The following GAB1 variants were observed in gnomAD, a reference collection of about 807,000 sequenced individuals.
The protein encoded by GAB1 is GRB2-associated-binding protein 1.
Under a neutral mutation model 66.5 loss-of-function variants are expected in GAB1, and 19 were observed. That is an observed-to-expected ratio of 0.29 (90% CI 0.20 to 0.42). GAB1 has a LOEUF of 0.42. Among genes scored for constraint, GAB1 ranks in the 10% least tolerant of loss-of-function variants. The pLI is 1.00. For missense variants in GAB1, 732 were observed against 858.5 expected, an observed-to-expected ratio of 0.85 and a Z score of 1.84; for synonymous variants, 294 against 301.4, an observed-to-expected ratio of 0.98 and a Z score of 0.25.
chr4:143,437,639 A>G (rs980059248), intron 3 of GAB1, among the ~76,000 whole-genome samples: 2 of 152,202 alleles, frequency 1.3e-5, no homozygotes, highest in Non-Finnish European at 2.9e-5. Context: ...TCTTCAGAGG[A>G]AATGCTTTTC....
intron 2 of GAB1, among the ~76,000 whole-genome samples, chr4:143,416,664 C>T (rs1020215864): frequency 1.3e-5 from 2 of 151,968 alleles, no homozygotes; most frequent in African/African-American, 4.8e-5. Flanking sequence ...GTTCCAGCTA[C>T]CCAGGAGGCT....
At position 143,429,638 on chromosome 4, in the gene GAB1, T is replaced by C. The variant is rs148222189; in HGVS notation, c.368-3853T>C. Reference sequence around the variant, plus strand: ...CTGTACGGGGACTGTGTAGATGAGCTATGAGGCCAATTTTCCCAAGGGGCT... The same window carrying C: ...CTGTACGGGGACTGTGTAGATGAGCCATGAGGCCAATTTTCCCAAGGGGCT... On this transcript the variant is annotated intron_variant, in intron 2 of 9. Transcript: ENST00000262994. Among the ~76,000 whole-genome samples, 212 of 151,022 alleles carry C rather than the reference T, an allele frequency of 1.4e-3. 1 individual carries two copies. The highest frequency in any genetic ancestry group is 1.2e-3 in the Non-Finnish European group (78 of 67,580).
chr4:143,380,311 T>C (rs1730604951), intron 1 of GAB1, among the ~76,000 whole-genome samples: 1 of 152,140 alleles, frequency 6.6e-6, no homozygotes, highest in South Asian at 2.1e-4. Context: ...TTAGCCAAGC[T>C]ATAAAATCAA....
At chr4:143,388,108 A>G (rs911080750) in intron 1 of GAB1, among the ~76,000 whole-genome samples, 8 of 152,128 alleles carry the variant, frequency 5.3e-5, no homozygotes, top group Non-Finnish European at 1.0e-4. Context: ...ACCTAAGGAT[A>G]AGCGCTCCCT....
In GAB1 at chr4:143,438,539, A is replaced by G. The variant is rs1356593450; in HGVS notation, c.1134A>G (p.Ala378=). Residue 378 remains alanine, a synonymous_variant, in exon 4 of 10, where the codon GCA becomes GCG. Transcript: ENST00000262994. ...ACAGTAGTTACTGTATCCCTACAGC[A>G]GGGATGTCGCCTTCACGTAGTAATA... ...DTDSSYCIPT[A]GMSPSRSNTI... 2 of 1,613,960 alleles carry G rather than the reference A, an allele frequency of 1.2e-6. No individual in the cohort carries two copies. Among genetic ancestry groups the G allele is most frequent in the Admixed American group, 3.3e-5 (2 of 59,980 alleles).
chr4:143,459,034 T>C (rs28925942), intron 6 of GAB1, among the ~76,000 whole-genome samples: 5 of 152,216 alleles, frequency 3.3e-5, no homozygotes, highest in South Asian at 4.1e-4. Flanking sequence ...GGTGAAATAA[T>C]TTATGAAATA....
chr4:143,447,206 T>C (rs1734605320), intron 6 of GAB1, among the ~76,000 whole-genome samples: 1 of 152,148 alleles, frequency 6.6e-6, no homozygotes, highest in South Asian at 2.1e-4. Context: ...AGCCTTGTAG[T>C]ATAGTTAGAA....
At chr4:143,382,478 A>T (rs1380224038) in intron 1 of GAB1, among the ~76,000 whole-genome samples, 1 of 152,204 alleles carries the variant, frequency 6.6e-6, no homozygotes, top group East Asian at 1.9e-4. Flanking sequence ...GGACTTGGGG[A>T]AACTATGCTT....
intron 1 of GAB1, among the ~76,000 whole-genome samples, chr4:143,376,466 T>C (rs1224679042): frequency 1.3e-5 from 2 of 152,248 alleles, no homozygotes; most frequent in South Asian, 2.1e-4. Flanking sequence ...TGTGGAGCTA[T>C]CTGGGCTTCA....
chr4:143,360,397 G>C (rs542497780), intron 1 of GAB1, among the ~76,000 whole-genome samples: 1 of 152,010 alleles, frequency 6.6e-6, no homozygotes, highest in Non-Finnish European at 1.5e-5. Context: ...TTGAACTAAA[G>C]GTTAAAAAAC....
Position 143,471,443 on chromosome 4 carries a change from A to AT in GAB1, c.*2258dup, listed in dbSNP as rs1461830550. 3.3e-5 allele frequency: 5 copies of AT among 152,180 alleles called. No homozygotes were observed. Among genetic ancestry groups the AT allele is most frequent in the Admixed American group, 3.3e-4 (5 of 15,272 alleles). 9.4% of individuals were successfully genotyped at this position (152,180 alleles called of 1,614,324 possible). On this transcript the variant is annotated 3_prime_UTR_variant, in exon 10 of 10. Transcript: ENST00000262994. The stretch of plus-strand genomic sequence containing the variant: ...TAGCACTAGAATCTTTTTAGATGAA[A>AT]TTTTATGTATAACCCCAATACATAA...
chr4:143,452,348 T>C (rs1734971128), intron 6 of GAB1, among the ~76,000 whole-genome samples: 1 of 152,186 alleles, frequency 6.6e-6, no homozygotes, highest in Non-Finnish European at 1.5e-5. Context: ...AGTGTCCTCC[T>C]CTGTAAGAGA....
intron 1 of GAB1, among the ~76,000 whole-genome samples, chr4:143,390,003 A>G (rs1414912198): frequency 2.0e-5 from 3 of 152,174 alleles, no homozygotes; most frequent in African/African-American, 7.2e-5. Flanking sequence ...GAAGAACCCT[A>G]GTGTTGTGTA....
At chr4:143,357,869 T>C (rs1439950124) in intron 1 of GAB1, among the ~76,000 whole-genome samples, 1 of 151,932 alleles carries the variant, frequency 6.6e-6, no homozygotes, top group African/African-American at 2.4e-5. Flanking sequence ...TTAAATCATA[T>C]ATATATATAT....
intron 1 of GAB1, chr4:143,380,758 C>G (rs529309602): frequency 8.5e-5 from 13 of 152,292 alleles, no homozygotes; most frequent in African/African-American, 3.1e-4. Context: ...CTCTAGTGCA[C>G]TGAAAATGTA....
intron 1 of GAB1, chr4:143,349,750 T>G (rs1729120319): frequency 6.3e-7 from 1 of 1,589,518 alleles, no homozygotes; most frequent in Admixed American, 1.7e-5. Context: ...CAGACCGACG[T>G]GGCCATTGTA....
At chr4:143,398,982 C>G (rs953075599) in intron 1 of GAB1, among the ~76,000 whole-genome samples, 5 of 152,130 alleles carry the variant, frequency 3.3e-5, no homozygotes, top group African/African-American at 4.8e-5. Flanking sequence ...ATAGAAAGAT[C>G]CCCATCTAGA....
At chr4:143,439,231 G>A (rs1578717683) in intron 4 of GAB1, among the ~76,000 whole-genome samples, 2 of 152,150 alleles carry the variant, frequency 1.3e-5, no homozygotes, top group Non-Finnish European at 2.9e-5. Context: ...AAAAAAATGA[G>A]TCTGGGTGAT....
chr4:143,456,592 T>A (rs1329957351), intron 6 of GAB1, among the ~76,000 whole-genome samples: 1 of 152,202 alleles, frequency 6.6e-6, no homozygotes, highest in African/African-American at 2.4e-5. Context: ...AAACTCAGGC[T>A]GCCTCATTTC....
Sources: gnomAD v4.1 joint callset for allele counts (sites outside exome capture counted in the v4.1 genomes callset) on GRCh38, gnomAD v4.1.1 for gene constraint, MANE v1.5 for transcripts, NCBI Gene and HGNC (gene_info 2026-07-23, HGNC 2026-07-21) for gene names.